Variants in CALB2 observed in about 807,000 individuals in gnomAD.
The protein encoded by CALB2 is calbindin 2, also known as calretinin.
CALB2 carries 34 observed loss-of-function variants against 45.9 expected under a neutral mutation model. The observed-to-expected ratio is 0.74, with a 90% CI of 0.56 to 0.99. The LOEUF is 0.99. CALB2 is among the 50% of genes least tolerant of loss of function. CALB2 has a pLI of 0.00. For synonymous variants in CALB2, 142 were observed against 129.6 expected (o/e 1.10, Z -0.65); for missense variants, 344 against 339.3 (o/e 1.01, Z -0.11).
intron 1 of CALB2, among the ~76,000 whole-genome samples, chr16:71,371,751 G>A (rs1430506614): frequency 6.6e-6 from 1 of 152,060 alleles, no homozygotes; most frequent in Non-Finnish European, 1.5e-5. Context: ...CATTCTGGGG[G>A]AGCACTCCAA....
rs1270578970 is a variant in CALB2 at position 71,389,976 on chromosome 16, G to C, written c.*111G>C. The C allele has an allele frequency of 2.9e-6, 2 of 701,216 alleles. No homozygotes were observed. Among genetic ancestry groups the C allele is most frequent in the African/African-American group, 3.5e-5 (2 of 56,416 alleles). The allele number at this position is 701,216 out of a possible 1,614,324, so 43.4% of individuals were successfully genotyped here. On this transcript the variant is annotated 3_prime_UTR_variant, in exon 11 of 11. Coordinates refer to ENST00000302628, the MANE Select transcript of CALB2 (RefSeq NM_001740.5). ...CGCCCCGCCCCCACCCCTACAGCCTGCACACACCTGCCTGCAGAGCAGGAA... is the reference window on the plus strand; with the variant it reads ...CGCCCCGCCCCCACCCCTACAGCCTCCACACACCTGCCTGCAGAGCAGGAA...
intron 4 of CALB2, among the ~76,000 whole-genome samples, chr16:71,381,410 A>C (rs541552042): frequency 1.4e-3 from 41 of 30,236 alleles, no homozygotes; most frequent in African/African-American, 5.5e-3. Context: ...GTCTTGTGAC[A>C]AAAAAAAAAA....
chr16:71,361,011 G>A (rs369086470), intron 1 of CALB2, among the ~76,000 whole-genome samples: 8 of 152,244 alleles, frequency 5.3e-5, no homozygotes, highest in South Asian at 2.1e-4. Flanking sequence ...GGGCAGTTTC[G>A]TGTATCCCAA....
intron 1 of CALB2, among the ~76,000 whole-genome samples, chr16:71,370,985 C>T (rs1014645945): frequency 2.0e-5 from 3 of 152,298 alleles, no homozygotes; most frequent in Admixed American, 1.3e-4. Context: ...TGGTTCTGAT[C>T]ACTGCACTTT....
intron 3 of CALB2, among the ~76,000 whole-genome samples, chr16:71,375,819 G>C (rs1454671879): frequency 6.6e-6 from 1 of 152,228 alleles, no homozygotes; most frequent in Non-Finnish European, 1.5e-5. Flanking sequence ...GTCCCACTTT[G>C]AGGCAAGGGG....
intron 1 of CALB2, among the ~76,000 whole-genome samples, chr16:71,366,494 C>A (rs2042290428): frequency 1.3e-5 from 2 of 151,728 alleles, no homozygotes; most frequent in Admixed American, 6.6e-5. Context: ...CCACACCCAG[C>A]TGATTTTTGT....
chr16:71,379,621 C>T (rs74999896), intron 4 of CALB2, among the ~76,000 whole-genome samples: 1 of 152,200 alleles, frequency 6.6e-6, no homozygotes, highest in African/African-American at 2.4e-5. Flanking sequence ...TCACGAACTG[C>T]CTGCTCTGAT....
intron 1 of CALB2, among the ~76,000 whole-genome samples, chr16:71,368,133 C>G (rs1355337317): frequency 1.3e-5 from 2 of 152,194 alleles, no homozygotes; most frequent in African/African-American, 4.8e-5. Flanking sequence ...TGTCCCCTGC[C>G]CCACCCACAC....
intron 9 of CALB2, 110 bp from the exon 10 acceptor site, chr16:71,385,467 C>A: frequency 1.2e-6 from 1 of 842,544 alleles, no homozygotes; most frequent in Non-Finnish European, 1.9e-6. Flanking sequence ...TGAACACCCC[C>A]TTTTGCACAG....
At chr16:71,378,148 C>T (rs1452809737) in intron 4 of CALB2, among the ~76,000 whole-genome samples, 1 of 152,028 alleles carries the variant, frequency 6.6e-6, no homozygotes, top group African/African-American at 2.4e-5. Flanking sequence ...CACTTGAACT[C>T]GAGAGGCAGA....
intron 3 of CALB2, among the ~76,000 whole-genome samples, chr16:71,377,130 G>C (rs1397868596): frequency 6.6e-6 from 1 of 152,106 alleles, no homozygotes; most frequent in Non-Finnish European, 1.5e-5. Flanking sequence ...ACTGCAAGAG[G>C]GTACCTGCAT....
intron 1 of CALB2, among the ~76,000 whole-genome samples, chr16:71,366,719 G>A (rs2042292574): frequency 6.6e-6 from 1 of 152,182 alleles, no homozygotes; most frequent in Non-Finnish European, 1.5e-5. Context: ...AGGAACTTAA[G>A]AGGAGGGAGT....
intron 10 of CALB2, among the ~76,000 whole-genome samples, chr16:71,389,015 A>G (rs1218818483): frequency 6.8e-6 from 1 of 148,080 alleles, no homozygotes; most frequent in Non-Finnish European, 1.5e-5. Flanking sequence ...AAAAAAAAAA[A>G]AAGCAGACTT....
intron 10 of CALB2, among the ~76,000 whole-genome samples, chr16:71,388,396 G>A (rs1442413147): frequency 6.6e-6 from 1 of 151,800 alleles, no homozygotes; most frequent in African/African-American, 2.4e-5. Context: ...GGGATAGAGT[G>A]GGGGAGAAGG....
At chr16:71,362,414 C>A (rs1310039011) in intron 1 of CALB2, among the ~76,000 whole-genome samples, 1 of 152,200 alleles carries the variant, frequency 6.6e-6, no homozygotes, top group African/African-American at 2.4e-5. Flanking sequence ...AGGTGAACAT[C>A]CTACTCCCTT....
In CALB2 at chr16:71,377,684, A is replaced by G. The variant is rs780837012; in HGVS notation, c.279A>G (p.Pro93=). 1 of 1,613,986 alleles carries G rather than the reference A, an allele frequency of 6.2e-7. No individual in the cohort carries two copies. Among genetic ancestry groups the G allele is most frequent in the South Asian group, 1.1e-5 (1 of 91,076 alleles). The change falls in exon 4 of 11, where the codon CCA becomes CCG. Residue 93 remains proline (P), a synonymous_variant. Coordinates refer to ENST00000302628, the MANE Select transcript of CALB2 (RefSeq NM_001740.5). ...CTTCACAGCTGGCGCAGATCCTGCC[A>G]ACCGAAGAGAACTTCCTTCTGTGCT... The part of the protein sequence containing the change: ...IEMAELAQIL[P]TEENFLLCFR...
intron 3 of CALB2, among the ~76,000 whole-genome samples, chr16:71,375,310 TCATATATGCACA>T (rs2042397688): frequency 6.6e-6 from 1 of 152,210 alleles, no homozygotes; most frequent in Non-Finnish European, 1.5e-5. Context: ...ATATATACAT[TCATATATGCACA>T]CGTATATACA....
At chr16:71,378,367 A>G (rs2042442472) in intron 4 of CALB2, among the ~76,000 whole-genome samples, 1 of 151,592 alleles carries the variant, frequency 6.6e-6, no homozygotes, top group Non-Finnish European at 1.5e-5. Flanking sequence ...AAAAGCTACC[A>G]TAGTGAACAG....
At chr16:71,361,643 G>T (rs2042239033) in intron 1 of CALB2, among the ~76,000 whole-genome samples, 1 of 152,148 alleles carries the variant, frequency 6.6e-6, no homozygotes, top group Non-Finnish European at 1.5e-5. Context: ...ATGCTGGCTG[G>T]TAGTAAACAA....
Sources: gnomAD v4.1 joint callset for allele counts (sites outside exome capture counted in the v4.1 genomes callset) on GRCh38, gnomAD v4.1.1 for gene constraint, MANE v1.5 for transcripts, NCBI Gene and HGNC (gene_info 2026-07-23, HGNC 2026-07-21) for gene names.